ZNF567: variants seen among roughly 807,000 people sequenced by gnomAD.
The protein encoded by ZNF567 is zinc finger protein 567.
In ZNF567, 36 loss-of-function variants were observed where a neutral mutation model predicts 53.9. The ratio of observed to expected loss-of-function variants is 0.67; its 90% CI spans 0.51 to 0.88. The LOEUF is 0.88. ZNF567 is among the 40% of genes least tolerant of loss of function. The pLI is 0.00. For synonymous variants in ZNF567, 224 were observed against 260.4 expected, an observed-to-expected ratio of 0.86 and a Z score of 1.35; for missense variants, 619 against 764.7, an observed-to-expected ratio of 0.81 and a Z score of 2.25.
At chr19:36,677,532 C>T in the ZNF567 span, among the ~76,000 whole-genome samples, 512 of 148,132 alleles carry the variant, frequency 3.5e-3, 4 homozygotes, top group Non-Finnish European at 4.7e-3. Context: ...TTTGGGAGGC[C>T]GAGGCGGGTG....
chr19:36,718,696 CTTGGTTGG>C (rs1400695915), intron 5 of ZNF567, among the ~76,000 whole-genome samples: 3 of 152,234 alleles, frequency 2.0e-5, no homozygotes, highest in African/African-American at 4.8e-5. Context: ...TCTTTGACTT[CTTGGTTGG>C]TTTCACTTTC....
At chr19:36,677,836 G>A in the ZNF567 span, among the ~76,000 whole-genome samples, 167 of 152,236 alleles carry the variant, frequency 1.1e-3, 4 homozygotes, top group East Asian at 0.03. Context: ...CTTGCTGGGA[G>A]TATTTTCTTT....
chr19:36,670,140 G>C, the ZNF567 span, among the ~76,000 whole-genome samples: 1 of 152,154 alleles, frequency 6.6e-6, no homozygotes, highest in Non-Finnish European at 1.5e-5. Flanking sequence ...CTACCAGTCA[G>C]AGTAGGGGCT....
chr19:36,719,862 C>T lies in ZNF567; in HGVS notation c.1138C>T (p.Leu380Phe). 6.2e-7 allele frequency: 1 copy of T among 1,614,084 alleles called. No homozygotes were observed. The highest frequency in any genetic ancestry group is 1.1e-5 in the South Asian group (1 of 91,086). The change falls in exon 6 of 6, where the codon CTC becomes TTC. Residue 380 changes from leucine (L) to phenylalanine (F), a missense_variant. Physicochemically the swap from Leu to Phe is conservative, Grantham distance 22 (BLOSUM62 0). Transcript: ENST00000682579. ...GAAGTCCTTCCGCCAGAAGACAACA[C>T]TCTCTCTACATCAGAGAATCCATAC... ...CGKSFRQKTT[L>F]SLHQRIHTGE...
At position 36,712,763 on chromosome 19, in the gene ZNF567, C is replaced by T; in HGVS notation, c.137-18C>T. ...GTATTATAGCCCAATCAACTTAAGTCTTTTTTTCACTTTTCAGGGTGTCAC... is the reference window on the plus strand; with the variant it reads ...GTATTATAGCCCAATCAACTTAAGTTTTTTTTTCACTTTTCAGGGTGTCAC... On this transcript the variant is annotated intron_variant, in intron 4 of 5. Coordinates refer to ENST00000682579, the MANE Select transcript of ZNF567 (RefSeq NM_001322917.1). 4 of 1,609,664 alleles carry T rather than the reference C, an allele frequency of 2.5e-6. No homozygotes were observed. The highest frequency in any genetic ancestry group is 3.4e-6 in the Non-Finnish European group (4 of 1,177,616).
chr19:36,697,212 G>C (rs1293350520), intron 3 of ZNF567, among the ~76,000 whole-genome samples: 1 of 152,062 alleles, frequency 6.6e-6, no homozygotes, highest in East Asian at 1.9e-4. Flanking sequence ...TCTTGTAAAT[G>C]TTTTTTATAT....
At chr19:36,708,353 A>C (rs1237478179) in intron 3 of ZNF567, among the ~76,000 whole-genome samples, 1 of 152,172 alleles carries the variant, frequency 6.6e-6, no homozygotes, top group East Asian at 1.9e-4. Flanking sequence ...TTAAAGAATT[A>C]AGTTACTTCA....
chr19:36,680,918 A>AT, the ZNF567 span, among the ~76,000 whole-genome samples: 1 of 152,148 alleles, frequency 6.6e-6, no homozygotes, highest in Non-Finnish European at 1.5e-5. Context: ...ACAATCCAGG[A>AT]TGAACTACTC....
the ZNF567 span, among the ~76,000 whole-genome samples, chr19:36,678,441 T>C: frequency 6.6e-6 from 1 of 152,200 alleles, no homozygotes; most frequent in Admixed American, 6.5e-5. Context: ...AAGGAAACAA[T>C]AGGATGAAGA....
intron 3 of ZNF567, among the ~76,000 whole-genome samples, chr19:36,704,214 C>T (rs961851291): frequency 2.0e-5 from 3 of 152,020 alleles, no homozygotes; most frequent in Admixed American, 6.5e-5. Context: ...CCAGGGCAGG[C>T]GAATCACTTG....
At position 36,720,111 on chromosome 19, in the gene ZNF567, A is replaced by G. The variant is rs1254026166; in HGVS notation, c.1387A>G (p.Thr463Ala). The part of the protein sequence containing the change: ...ECGKSFRQKT[T>A]LVAHQRTHTG... The stretch of plus-strand genomic sequence containing the variant: ...TGGAAAGTCCTTCCGCCAGAAGACA[A>G]CCCTTGTAGCACATCAGAGAACACA... Residue 463 changes from threonine to alanine, a missense_variant, in exon 6 of 6, where the codon ACC becomes GCC. By Grantham distance (58) the Thr-to-Ala change is moderately conservative. Transcript: ENST00000682579. 6 of 1,613,942 alleles carry G rather than the reference A, an allele frequency of 3.7e-6. No individual in the cohort carries two copies. The highest frequency in any genetic ancestry group is 3.3e-5 in the Admixed American group (2 of 59,984).
intron 3 of ZNF567, among the ~76,000 whole-genome samples, chr19:36,710,662 G>A (rs947221951): frequency 2.6e-5 from 4 of 152,122 alleles, no homozygotes; most frequent in Non-Finnish European, 4.4e-5. Flanking sequence ...GTGTTCATCT[G>A]CTTTTCTCTC....
At chr19:36,715,679 G>A (rs2040031849) in intron 5 of ZNF567, among the ~76,000 whole-genome samples, 1 of 150,712 alleles carries the variant, frequency 6.6e-6, no homozygotes, top group Non-Finnish European at 1.5e-5. Context: ...ACAGGCATGA[G>A]CCACCACACC....
the ZNF567 span, among the ~76,000 whole-genome samples, chr19:36,676,055 C>CTTTTTTTTTT: frequency 0.019 from 1,153 of 60,634 alleles, 270 homozygotes; most frequent in Non-Finnish European, 0.028. Context: ...TATTCTACAC[C>CTTTTTTTTTT]TTTTTTTTTT....
At chr19:36,694,976 A>G in intron 3 of ZNF567, 100 bp downstream of exon 3, 3 of 1,314,776 alleles carry the variant, frequency 2.3e-6, no homozygotes, top group Non-Finnish European at 1.0e-6. Context: ...CCTCCTACCT[A>G]TCTTTCCCTT....
the ZNF567 span, among the ~76,000 whole-genome samples, chr19:36,670,931 G>T: frequency 6.6e-6 from 1 of 152,036 alleles, no homozygotes; most frequent in Non-Finnish European, 1.5e-5. Flanking sequence ...GCAAAACCCC[G>T]TCTCTACTAA....
At chr19:36,724,916 A>C (rs2040329630), downstream of ZNF567, among the ~76,000 whole-genome samples, 1 of 151,802 alleles carries the variant, frequency 6.6e-6, no homozygotes, top group South Asian at 2.1e-4. Flanking sequence ...TCCTTCAAAA[A>C]ATTTTTTGAA....
intron 3 of ZNF567, among the ~76,000 whole-genome samples, chr19:36,704,385 C>T (rs1336774151): frequency 6.6e-6 from 1 of 152,128 alleles, no homozygotes; most frequent in Non-Finnish European, 1.5e-5. Flanking sequence ...GGTGCCACTG[C>T]ACTCCAGCCT....
intron 2 of ZNF567, among the ~76,000 whole-genome samples, chr19:36,694,320 A>G (rs1379943583): frequency 6.6e-6 from 1 of 152,230 alleles, no homozygotes; most frequent in Non-Finnish European, 1.5e-5. Flanking sequence ...ATAAGAAGCT[A>G]AAAGCGTTCT....
Sources: allele counts gnomAD v4.1 joint callset (sites outside exome capture counted in the v4.1 genomes callset), GRCh38; gene constraint gnomAD v4.1.1; transcripts MANE v1.5; gene names NCBI Gene and HGNC (gene_info 2026-07-23, HGNC 2026-07-21).